The following TNIP3 variants were observed in gnomAD, a reference collection of about 807,000 sequenced individuals.
TNIP3 encodes TNFAIP3-interacting protein 3.
Under a neutral mutation model 54.1 loss-of-function variants are expected in TNIP3, and 34 were observed. The ratio of observed to expected loss-of-function variants is 0.63; its 90% confidence interval spans 0.48 to 0.84. The LOEUF (loss-of-function observed/expected upper bound fraction) is 0.84, where lower values mean the gene tolerates loss of function less well. Among genes scored for constraint, TNIP3 ranks in the 40% least tolerant of loss-of-function variants. TNIP3 has a pLI of 0.00. For missense variants in TNIP3, 366 were observed against 387.6 expected (o/e 0.94, Z 0.47); for synonymous variants, 134 against 136.8 (o/e 0.98, Z 0.14).
chr4:121,161,407 A>G (rs1298582265), intron 1 of TNIP3, among the ~76,000 whole-genome samples, 191 bp from the exon 2 acceptor site: 2 of 152,280 alleles, frequency 1.3e-5, no homozygotes, highest in South Asian at 2.1e-4. Flanking sequence ...GCTTCATATT[A>G]TGTTTTAGAA....
chr4:121,226,141 C>A (rs757768498), intron 1 of TNIP3, among the ~76,000 whole-genome samples: 66 of 138,850 alleles, frequency 4.8e-4, no homozygotes, highest in African/African-American at 1.1e-3. Context: ...GAAAAACAGG[C>A]ACAGTGAGAG....
At chr4:121,183,997 A>C (rs1724863716) in intron 2 of TNIP3, among the ~76,000 whole-genome samples, 1 of 152,062 alleles carries the variant, frequency 6.6e-6, no homozygotes, top group Admixed American at 6.6e-5. Context: ...TCCATCGAAA[A>C]ACTGTCTTCC....
At chr4:121,226,881 T>A (rs555154430) in intron 1 of TNIP3, among the ~76,000 whole-genome samples, 1 of 152,334 alleles carries the variant, frequency 6.6e-6, no homozygotes, top group East Asian at 1.9e-4. Flanking sequence ...TATAGCACCA[T>A]GAAGAACACG....
chr4:121,201,231 T>C (rs1192054741), intron 2 of TNIP3, among the ~76,000 whole-genome samples: 1 of 152,150 alleles, frequency 6.6e-6, no homozygotes, highest in Non-Finnish European at 1.5e-5. Context: ...GTGGCCATAC[T>C]GATGCTTTAT....
chr4:121,142,638 T>A (rs1357805065), intron 8 of TNIP3, 88 bp downstream of exon 8: 1 of 1,218,736 alleles, frequency 8.2e-7, no homozygotes, highest in Middle Eastern at 1.9e-4. Context: ...AGGTCACCTG[T>A]AGCAGAGCTT....
intron 9 of TNIP3, among the ~76,000 whole-genome samples, chr4:121,139,934 G>C (rs182751260): frequency 6.6e-6 from 1 of 152,156 alleles, no homozygotes; most frequent in African/African-American, 2.4e-5. Flanking sequence ...TTCAGCCTTC[G>C]ATATAGACAA....
At chr4:121,134,760 G>T (rs1469800997) in intron 10 of TNIP3, among the ~76,000 whole-genome samples, 1 of 152,122 alleles carries the variant, frequency 6.6e-6, no homozygotes, top group Non-Finnish European at 1.5e-5. Context: ...TAGTCAGGAA[G>T]CCCTTCACTG....
intron 3 of TNIP3, chr4:121,182,645 C>T (rs907718021): frequency 5.2e-5 from 79 of 1,532,176 alleles, no homozygotes; most frequent in Non-Finnish European, 6.5e-5. Context: ...AAGGGTACAT[C>T]GAGATAAGGA....
chr4:121,135,855 A>C (rs1206115672), intron 10 of TNIP3, among the ~76,000 whole-genome samples: 1 of 152,238 alleles, frequency 6.6e-6, no homozygotes, highest in Non-Finnish European at 1.5e-5. Context: ...CACATCCATC[A>C]TTTATGACAA....
intron 3 of TNIP3, among the ~76,000 whole-genome samples, chr4:121,176,015 G>A (rs372943805): frequency 6.6e-6 from 1 of 152,104 alleles, no homozygotes; most frequent in African/African-American, 2.4e-5. Context: ...AAAAATCCTC[G>A]TAATGAATGG....
chr4:121,200,388 C>A (rs188945934), intron 2 of TNIP3, among the ~76,000 whole-genome samples: 3 of 152,266 alleles, frequency 2.0e-5, no homozygotes, highest in African/African-American at 7.2e-5. Context: ...TATTTAGACA[C>A]AATGTCTCAA....
intron 10 of TNIP3, among the ~76,000 whole-genome samples, chr4:121,134,773 G>T (rs1728679530): frequency 6.6e-6 from 1 of 152,094 alleles, no homozygotes; most frequent in Non-Finnish European, 1.5e-5. Flanking sequence ...CTTCACTGAT[G>T]TCCCCATCTT....
chr4:121,139,422 G>A (rs932321921), intron 9 of TNIP3, among the ~76,000 whole-genome samples: 3 of 152,180 alleles, frequency 2.0e-5, no homozygotes, highest in Non-Finnish European at 4.4e-5. Context: ...TAACGCTTAG[G>A]AATGGAGCAA....
intron 1 of TNIP3, among the ~76,000 whole-genome samples, chr4:121,225,895 G>A (rs1727236153): frequency 1.3e-5 from 2 of 152,090 alleles, no homozygotes; most frequent in South Asian, 4.1e-4. Flanking sequence ...CTCTTTGACA[G>A]CTATGTGCTT....
chr4:121,201,841 C>T (rs1015788341), intron 2 of TNIP3, among the ~76,000 whole-genome samples: 1 of 152,154 alleles, frequency 6.6e-6, no homozygotes, highest in Non-Finnish European at 1.5e-5. Flanking sequence ...TAAACTCCAA[C>T]ATTGAAATCA....
chr4:121,180,199 G>A (rs1307868152), intron 3 of TNIP3, among the ~76,000 whole-genome samples: 1 of 152,144 alleles, frequency 6.6e-6, no homozygotes, highest in Non-Finnish European at 1.5e-5. Context: ...AGGAGATCGA[G>A]ACCATCCTGG....
chr4:121,176,053 T>C (rs539819210), intron 3 of TNIP3, among the ~76,000 whole-genome samples: 9 of 152,370 alleles, frequency 5.9e-5, no homozygotes, highest in African/African-American at 2.2e-4. Context: ...AAATTAACCA[T>C]GGGATCAAAT....
chr4:121,225,564 A>G (rs1727222330), intron 1 of TNIP3, among the ~76,000 whole-genome samples: 2 of 152,248 alleles, frequency 1.3e-5, no homozygotes, highest in South Asian at 2.1e-4. Context: ...GAGTACAACT[A>G]TGAGTAATAG....
chr4:121,180,585 A>G (rs1724634557), intron 3 of TNIP3, among the ~76,000 whole-genome samples: 1 of 152,220 alleles, frequency 6.6e-6, no homozygotes, highest in South Asian at 2.1e-4. Context: ...GTGATCAATG[A>G]GCTTGGCTAT....
Sources: gnomAD v4.1 joint callset for allele counts (sites outside exome capture counted in the v4.1 genomes callset) on GRCh38, gnomAD v4.1.1 for gene constraint, MANE v1.5 for transcripts, NCBI Gene and HGNC (gene_info 2026-07-23, HGNC 2026-07-21) for gene names.